Variants in AHCYL2 observed in about 807,000 individuals in gnomAD.
AHCYL2 encodes the protein S-adenosylhomocysteine hydrolase-like protein 2.
AHCYL2 carries 28 observed loss-of-function variants against 81.4 expected under a neutral mutation model. The observed-to-expected ratio is 0.34, with a 90% CI of 0.25 to 0.47. AHCYL2 has a LOEUF of 0.47. Ranked by LOEUF, AHCYL2 falls within the 20% of genes least tolerant of loss-of-function variation. AHCYL2 has a pLI of 1.00. For missense variants in AHCYL2, 551 were observed against 785.1 expected (o/e 0.70, Z 3.56); for synonymous variants, 272 against 290.2 (o/e 0.94, Z 0.64).
chr7:129,272,465 T>C (rs1313660719), intron 1 of AHCYL2, among the ~76,000 whole-genome samples: 1 of 152,174 alleles, frequency 6.6e-6, no homozygotes, highest in African/African-American at 2.4e-5. Context: ...ATTTGGTACC[T>C]TGAAATAAGG....
chr7:129,427,262 G>T lies in AHCYL2; in HGVS notation c.*217G>T. 1 of 514,398 alleles carries T rather than the reference G, an allele frequency of 1.9e-6. No individual in the cohort carries two copies. Among genetic ancestry groups the T allele is most frequent in the African/African-American group, 2.0e-5 (1 of 50,730 alleles). 31.9% of individuals were successfully genotyped at this position (514,398 alleles called of 1,614,324 possible). ...TGCCCTGAGGGCCATGAAAGCCACAGAGGATGGGCTGAGGAAGGAAAGAAA... is the reference window on the plus strand; with the variant it reads ...TGCCCTGAGGGCCATGAAAGCCACATAGGATGGGCTGAGGAAGGAAAGAAA... On this transcript the variant is annotated 3_prime_UTR_variant, in exon 17 of 17. Transcript: ENST00000325006. This position sits in a 1 kb window ranked among gnomAD's most constrained non-coding sequence, Gnocchi z 5.5.
intron 1 of AHCYL2, among the ~76,000 whole-genome samples, chr7:129,233,380 G>A (rs898579254): frequency 1.3e-5 from 2 of 151,916 alleles, no homozygotes; most frequent in African/African-American, 2.4e-5. Flanking sequence ...ACGGTATCTT[G>A]CCATGTTGCA....
chr7:129,338,305 C>T (rs1452123030), intron 1 of AHCYL2, among the ~76,000 whole-genome samples: 2 of 151,884 alleles, frequency 1.3e-5, no homozygotes, highest in Non-Finnish European at 2.9e-5. Context: ...TGTACCACCA[C>T]GCCTGGCTAA....
At chr7:129,411,559 A>T (rs1473808760) in intron 11 of AHCYL2, among the ~76,000 whole-genome samples, 1 of 152,112 alleles carries the variant, frequency 6.6e-6, no homozygotes, top group Non-Finnish European at 1.5e-5. Context: ...CAGGAGTTCG[A>T]GACCAGCCTG....
At chr7:129,366,078 A>T (rs1794102922) in intron 1 of AHCYL2, among the ~76,000 whole-genome samples, 1 of 151,812 alleles carries the variant, frequency 6.6e-6, no homozygotes. Context: ...CAGAGTTGAC[A>T]CTCTGACTTC....
At chr7:129,232,521 C>G in intron 1 of AHCYL2, among the ~76,000 whole-genome samples, 1 of 152,186 alleles carries the variant, frequency 6.6e-6, no homozygotes. Context: ...GCCTAAACAC[C>G]ATGCCTCACA....
intron 12 of AHCYL2, among the ~76,000 whole-genome samples, chr7:129,417,469 A>G (rs113398712): frequency 2.5e-4 from 38 of 152,334 alleles, no homozygotes; most frequent in African/African-American, 8.7e-4. Flanking sequence ...GATGGCTTTT[A>G]TTTTAAAAGA....
At chr7:129,256,476 A>G (rs1430633251) in intron 1 of AHCYL2, among the ~76,000 whole-genome samples, 3 of 151,728 alleles carry the variant, frequency 2.0e-5, no homozygotes, top group Non-Finnish European at 4.4e-5. Flanking sequence ...CCTTTTGAAA[A>G]TATACAAAAG....
At chr7:129,365,574 T>G (rs1794079724) in intron 1 of AHCYL2, among the ~76,000 whole-genome samples, 1 of 149,202 alleles carries the variant, frequency 6.7e-6, no homozygotes, top group South Asian at 2.1e-4. Context: ...CACCATACTG[T>G]GTAGTCTTTA....
intron 1 of AHCYL2, among the ~76,000 whole-genome samples, chr7:129,267,645 T>A (rs535816537): frequency 6.6e-6 from 1 of 152,068 alleles, no homozygotes; most frequent in South Asian, 2.1e-4. Flanking sequence ...CAATAGTATA[T>A]TGAAGGTGGA....
At chr7:129,246,978 ATTTAGATTAT>A (rs1420798472) in intron 1 of AHCYL2, among the ~76,000 whole-genome samples, 7 of 152,214 alleles carry the variant, frequency 4.6e-5, no homozygotes, top group Non-Finnish European at 8.8e-5. Context: ...GTTGATGGAC[ATTTAGATTAT>A]ATCATCTTTT....
At chr7:129,343,111 G>A (rs953303945) in intron 1 of AHCYL2, among the ~76,000 whole-genome samples, 3 of 152,006 alleles carry the variant, frequency 2.0e-5, no homozygotes, top group African/African-American at 4.8e-5. Context: ...GCTTAAAATA[G>A]CAAAACATTT....
At chr7:129,299,369 G>GTCTTT (rs1797173599) in intron 1 of AHCYL2, among the ~76,000 whole-genome samples, 1 of 46,278 alleles carries the variant, frequency 2.2e-5, no homozygotes, top group Non-Finnish European at 3.8e-5. Context: ...AGTCCAACTT[G>GTCTTT]TTTTTTTTTT....
intron 1 of AHCYL2, among the ~76,000 whole-genome samples, chr7:129,359,744 AC>A (rs1177655165): frequency 6.6e-6 from 1 of 152,192 alleles, no homozygotes; most frequent in East Asian, 1.9e-4. Context: ...TATGCAGCAA[AC>A]TGAACCCTGA....
intron 1 of AHCYL2, among the ~76,000 whole-genome samples, chr7:129,354,811 C>G (rs553899722): frequency 6.6e-6 from 1 of 152,150 alleles, no homozygotes; most frequent in East Asian, 1.9e-4. Context: ...ATTTATGGAC[C>G]TCACAGAAGG....
At chr7:129,327,806 T>A (rs531195110) in intron 1 of AHCYL2, among the ~76,000 whole-genome samples, 3 of 149,816 alleles carry the variant, frequency 2.0e-5, no homozygotes, top group African/African-American at 4.9e-5. Flanking sequence ...TATTATTATT[T>A]TTTTTCAGAC....
chr7:129,237,214 C>G (rs904133276), intron 1 of AHCYL2, among the ~76,000 whole-genome samples: 9 of 152,008 alleles, frequency 5.9e-5, no homozygotes, highest in Non-Finnish European at 2.9e-5. Flanking sequence ...GTTTTCTTCA[C>G]CTGTTTATAT....
At chr7:129,282,261 G>A (rs1433065131) in intron 1 of AHCYL2, among the ~76,000 whole-genome samples, 1 of 152,036 alleles carries the variant, frequency 6.6e-6, no homozygotes, top group Non-Finnish European at 1.5e-5. Context: ...AGATCTATGA[G>A]TTTATTGTCA....
rs530847555 is a variant in AHCYL2, at chr7:129,264,395, G to C, written c.363+38956G>C. Among the ~76,000 whole-genome samples, 3 of 152,292 alleles carry C rather than the reference G, an allele frequency of 2.0e-5. No individual in the cohort carries two copies. In the East Asian group the frequency reaches 5.8e-4, roughly 29 times the overall value. On this transcript the variant is annotated intron_variant, in intron 1 of 16. Coordinates refer to ENST00000325006, the MANE Select transcript of AHCYL2 (RefSeq NM_015328.4). ...GTGGAGATGACTAGTAGGCAAATTG[G>C]ATAAACCGGTATCGAGCTCACGGGA...
Sources: gnomAD v4.1 joint callset for allele counts (sites outside exome capture counted in the v4.1 genomes callset) on GRCh38, gnomAD v4.1.1 for gene constraint, Gnocchi (gnomAD v3.1) non-coding constraint, MANE v1.5 for transcripts, NCBI Gene and HGNC (gene_info 2026-07-23, HGNC 2026-07-21) for gene names.